The following ZFHX3 variants were observed in gnomAD, a reference collection of about 807,000 sequenced individuals.
ZFHX3 encodes the protein zinc finger homeobox protein 3.
A neutral mutation model predicts 279.1 loss-of-function variants in ZFHX3; 42 were observed. The observed-to-expected ratio is 0.15, with a 90% CI of 0.12 to 0.19. ZFHX3 has a LOEUF of 0.19. ZFHX3 is among the 10% of genes least tolerant of loss of function. The pLI, the probability that ZFHX3 is intolerant of heterozygous loss-of-function variation, is 1.00. For synonymous variants in ZFHX3, 2,293 were observed against 1,957.8 expected (o/e 1.17, Z -4.52); for missense variants, 4,981 against 4,754.0 (o/e 1.05, Z -1.40).
intron 2 of ZFHX3, among the ~76,000 whole-genome samples, chr16:73,531,078 T>G (rs142801504): frequency 6.6e-6 from 1 of 152,228 alleles, no homozygotes; most frequent in Admixed American, 6.5e-5. Flanking sequence ...TCACTATTTG[T>G]TGGGAAACTT....
intron 7 of ZFHX3, among the ~76,000 whole-genome samples, chr16:73,103,538 C>T (rs1966257399): frequency 6.6e-6 from 1 of 152,186 alleles, no homozygotes; most frequent in Non-Finnish European, 1.5e-5. Context: ...TCCTCTATTA[C>T]AGCACTTTCA....
chr16:73,221,858 A>G (rs1319428410), intron 5 of ZFHX3, among the ~76,000 whole-genome samples: 3 of 152,336 alleles, frequency 2.0e-5, no homozygotes, highest in Non-Finnish European at 4.4e-5. Context: ...ACATATCAAT[A>G]TATTGTATAT....
chr16:73,334,776 AAGG>A (rs2015876497), intron 3 of ZFHX3, among the ~76,000 whole-genome samples: 1 of 142,912 alleles, frequency 7.0e-6, no homozygotes, highest in Admixed American at 7.1e-5. Context: ...TAAATTGGAT[AAGG>A]AGATCTCTTT....
chr16:73,563,175 TGTGTGTGTGTGTGTG>T (rs2020398870), intron 2 of ZFHX3, among the ~76,000 whole-genome samples: 1 of 8,472 alleles, frequency 1.2e-4, no homozygotes, highest in African/African-American at 4.1e-4. Context: ...TTTTGTTGTG[TGTGTGTGTGTGTGTG>T]TGTGTGTGTG....
At chr16:73,521,985 C>CA (rs938405530) in intron 2 of ZFHX3, among the ~76,000 whole-genome samples, 3 of 151,896 alleles carry the variant, frequency 2.0e-5, no homozygotes, top group African/African-American at 7.3e-5. Flanking sequence ...TCCCTTTTGC[C>CA]AAAAAAATAG....
chr16:72,933,740 C>T (rs1959947568), intron 3 of ZFHX3, among the ~76,000 whole-genome samples: 2 of 151,640 alleles, frequency 1.3e-5, no homozygotes, highest in African/African-American at 4.8e-5. Flanking sequence ...GAGCAGACTT[C>T]CTGACTAGCA....
At chr16:73,642,189 T>C (rs2052579655) in intron 2 of ZFHX3, among the ~76,000 whole-genome samples, 1 of 152,184 alleles carries the variant, frequency 6.6e-6, no homozygotes, top group African/African-American at 2.4e-5. Flanking sequence ...ACTCTTTTTC[T>C]TTTACTCAAG....
intron 3 of ZFHX3, among the ~76,000 whole-genome samples, chr16:73,363,862 T>A (rs796461627): frequency 5.3e-5 from 8 of 152,256 alleles, no homozygotes; most frequent in African/African-American, 1.9e-4. Flanking sequence ...ATAGAATTAA[T>A]TTCATGTTAG....
chr16:72,847,944 A>G (rs751303501), intron 4 of ZFHX3, among the ~76,000 whole-genome samples: 10 of 152,062 alleles, frequency 6.6e-5, no homozygotes, highest in South Asian at 2.1e-4. Flanking sequence ...CATTCCATTC[A>G]CATCATCAGG....
At chr16:73,236,253 T>C (rs549838709) in intron 5 of ZFHX3, among the ~76,000 whole-genome samples, 5 of 152,370 alleles carry the variant, frequency 3.3e-5, no homozygotes, top group Non-Finnish European at 5.9e-5. Context: ...CTGCATGCCC[T>C]GTGGTCAACA....
intron 1 of ZFHX3, among the ~76,000 whole-genome samples, chr16:73,056,061 G>T (rs1025273894): frequency 6.6e-6 from 1 of 152,180 alleles, no homozygotes; most frequent in African/African-American, 2.4e-5. Context: ...CGAGGAGGGG[G>T]AAGGGAGACA....
chr16:73,642,671 C>A (rs140208421), intron 2 of ZFHX3, among the ~76,000 whole-genome samples: 198 of 152,262 alleles, frequency 1.3e-3, no homozygotes, highest in African/African-American at 4.1e-3. Context: ...GCCCCCACAA[C>A]CTATATTAAG....
intron 5 of ZFHX3, among the ~76,000 whole-genome samples, chr16:73,229,924 AG>A (rs2012720175): frequency 6.6e-6 from 1 of 152,200 alleles, no homozygotes; most frequent in African/African-American, 2.4e-5. Flanking sequence ...TAAAGTAAAA[AG>A]GGATTGGTAA....
chr16:73,809,509 A>G (rs2142335114), intron 1 of ZFHX3: 1 of 152,312 alleles, frequency 6.6e-6, no homozygotes, highest in East Asian at 1.9e-4. Context: ...TCACGGATTT[A>G]TGAGCTCCTG....
At chr16:73,885,237 G>A (rs188215933) in intron 1 of ZFHX3, among the ~76,000 whole-genome samples, 1 of 152,066 alleles carries the variant, frequency 6.6e-6, no homozygotes, top group Admixed American at 6.5e-5. Flanking sequence ...GGTGAGACAG[G>A]GGGGTATTAA....
intron 2 of ZFHX3, among the ~76,000 whole-genome samples, chr16:73,673,872 C>T (rs1355185711): frequency 6.6e-6 from 1 of 152,114 alleles, no homozygotes; most frequent in African/African-American, 2.4e-5. Context: ...CACATCAATA[C>T]ACCCTCCAGA....
At chr16:72,897,614 A>C (rs1394420965) in intron 3 of ZFHX3, among the ~76,000 whole-genome samples, 1 of 151,680 alleles carries the variant, frequency 6.6e-6, no homozygotes, top group Non-Finnish European at 1.5e-5. Flanking sequence ...CTAATTTTTA[A>C]ATTTTTTGTA....
intron 5 of ZFHX3, among the ~76,000 whole-genome samples, chr16:73,243,047 A>T (rs916620155): frequency 6.6e-6 from 1 of 152,242 alleles, no homozygotes; most frequent in African/African-American, 2.4e-5. Context: ...TGGTTAAATG[A>T]GTAGGGTCTA....
chr16:73,586,355 C>T lies in ZFHX3; in HGVS notation c.-1547+93825G>A, dbSNP rs1370449980. 2.6e-5 allele frequency among the ~76,000 whole-genome samples: 4 copies of T among 151,964 alleles called. No homozygotes were observed. The South Asian group carries it at 6.2e-4, about 24-fold the overall frequency. ...AGAAAGCTGAGATCGCACCACTGCA[C>T]TCCAGCCTGGGTGACACAGCAAGAC... On this transcript the variant is annotated intron_variant, in intron 2 of 17. Coordinates refer to the ZFHX3 transcript ENST00000641206.
Sources: allele counts gnomAD v4.1 joint callset (sites outside exome capture counted in the v4.1 genomes callset), GRCh38; gene constraint gnomAD v4.1.1; transcripts MANE v1.5; gene names NCBI Gene and HGNC (gene_info 2026-07-23, HGNC 2026-07-21).